WDR26: variants seen among roughly 807,000 people sequenced by gnomAD.
WDR26 encodes WD repeat-containing protein 26.
A neutral mutation model predicts 84.1 loss-of-function variants in WDR26; 5 were observed. That is an observed-to-expected ratio of 0.06 (90% CI 0.03 to 0.13). The LOEUF (loss-of-function observed/expected upper bound fraction) is 0.13. Among genes scored for constraint, WDR26 ranks in the 10% least tolerant of loss-of-function variants. The pLI is 1.00. For missense variants in WDR26, 642 were observed against 974.9 expected (o/e 0.66, Z 4.55); for synonymous variants, 415 against 389.6 (o/e 1.07, Z -0.77).
At chr1:224,405,489 CT>C (rs1673526432) in intron 7 of WDR26, among the ~76,000 whole-genome samples, 1 of 152,150 alleles carries the variant, frequency 6.6e-6, no homozygotes, top group African/African-American at 2.4e-5. Flanking sequence ...TTTTGAGAAA[CT>C]GCCAAACTGT....
intron 12 of WDR26, among the ~76,000 whole-genome samples, chr1:224,396,706 C>T (rs951009624): frequency 6.6e-6 from 1 of 152,146 alleles, no homozygotes; most frequent in African/African-American, 2.4e-5. Flanking sequence ...TGCCTGTAAT[C>T]CCAGCACTTC....
intron 3 of WDR26, among the ~76,000 whole-genome samples, chr1:224,424,946 A>G (rs1674167549): frequency 6.6e-6 from 1 of 152,200 alleles, no homozygotes. Flanking sequence ...TCTCCTCTCA[A>G]AGCAATCTCC....
chr1:224,407,157 T>A (rs200272190), intron 7 of WDR26, among the ~76,000 whole-genome samples: 1,124 of 56,350 alleles, frequency 0.02, 33 homozygotes, highest in East Asian at 0.061. Flanking sequence ...AAAAAATATA[T>A]ATATATATAT....
chr1:224,409,538 T>C (rs977773684), intron 7 of WDR26, among the ~76,000 whole-genome samples: 2 of 152,184 alleles, frequency 1.3e-5, no homozygotes, highest in Admixed American at 6.5e-5. Flanking sequence ...CAAGAATTGG[T>C]GTATGCTCTC....
At chr1:224,409,932 C>T (rs369411263) in intron 7 of WDR26, among the ~76,000 whole-genome samples, 11 of 151,710 alleles carry the variant, frequency 7.3e-5, no homozygotes, top group South Asian at 4.2e-4. Flanking sequence ...TTTCTCAACA[C>T]GGGAGCCCAA....
intron 6 of WDR26, among the ~76,000 whole-genome samples, chr1:224,412,671 G>T (rs1357974755): frequency 6.6e-6 from 1 of 152,124 alleles, no homozygotes; most frequent in Non-Finnish European, 1.5e-5. Flanking sequence ...CTGTCCAACA[G>T]AACTTTCTGT....
intron 10 of WDR26, 138 bp from the exon 11 acceptor site, chr1:224,398,731 G>A (rs541448372): frequency 1.7e-6 from 2 of 1,189,636 alleles, no homozygotes; most frequent in South Asian, 3.0e-5. Flanking sequence ...CAATTGAGAA[G>A]AATCTGAGTT....
At chr1:224,391,374 AAAAAAAAAAC>A (rs1157362970) in intron 13 of WDR26, among the ~76,000 whole-genome samples, 16 of 114,592 alleles carry the variant, frequency 1.4e-4, no homozygotes, top group South Asian at 5.4e-4. Flanking sequence ...AAAAAAAAAA[AAAAAAAAAAC>A]AAAAAAAAAA....
chr1:224,433,580 C>A (rs80059326), intron 1 of WDR26, 104 bp downstream of exon 1: 59,225 of 1,224,486 alleles, frequency 0.048, 3,408 homozygotes, highest in Non-Finnish European at 0.053. Context: ...TCTCTTTGAC[C>A]GAGCTCTTTC....
rs1356298350 is a variant in WDR26 at position 224,434,058 on chromosome 1, G to A, written c.348C>T (p.Gly116=). Residue 116 remains glycine (G), a synonymous_variant, in exon 1 of 14, where the codon GGC becomes GGT. Transcript: ENST00000414423. ...CCCCGCCGCCCCCTCCTCCTCCACC[G>A]CCGCCGCCGCCACCTCCTCCTCCTC... 7.0e-6 allele frequency: 10 copies of A among 1,429,532 alleles called. No individual in the cohort carries two copies. The highest frequency in any genetic ancestry group is 1.4e-5 in the African/African-American group (1 of 69,752). The allele number at this position is 1,429,532 out of a possible 1,614,324, so 88.6% of individuals were successfully genotyped here. A position where few individuals can be genotyped will look rare whatever the true frequency, so the allele number is the denominator to read the frequency against.
At chr1:224,390,800 AC>A (rs781368257) in intron 13 of WDR26, among the ~76,000 whole-genome samples, 126 of 152,274 alleles carry the variant, frequency 8.3e-4, no homozygotes, top group Non-Finnish European at 1.2e-3. Context: ...AACAAAAAAA[AC>A]AAAAGTGTAA....
chr1:224,409,459 A>G (rs918137713), intron 7 of WDR26, among the ~76,000 whole-genome samples: 1 of 152,218 alleles, frequency 6.6e-6, no homozygotes, highest in Non-Finnish European at 1.5e-5. Flanking sequence ...AAAAAGGTAA[A>G]GAACCACTGC....
At chr1:224,391,085 TA>T (rs946772997) in intron 13 of WDR26, among the ~76,000 whole-genome samples, 121 of 146,036 alleles carry the variant, frequency 8.3e-4, no homozygotes, top group Middle Eastern at 3.6e-3. Flanking sequence ...TATGCATCCT[TA>T]AAAAAAAAAA....
In WDR26 at chr1:224,387,482, C is replaced by T. The variant is rs879779552; in HGVS notation, c.*2353G>A. 2 of 152,500 alleles carry T rather than the reference C, an allele frequency of 1.3e-5. No individual in the cohort carries two copies. The highest frequency in any genetic ancestry group is 2.4e-5 in the African/African-American group (1 of 41,366). 9.4% of individuals were successfully genotyped at this position (152,500 alleles called of 1,614,324 possible). On this transcript the variant is annotated 3_prime_UTR_variant, in exon 14 of 14. Transcript: ENST00000414423. ...AGAAACCTTTGCATAGTTGTTACTC[C>T]GTTTTAATAGGAGTTATGTTCTTGT...
Position 224,434,635 on chromosome 1 carries a change from G to T in WDR26, c.-230C>A, listed in dbSNP as rs1420710201. Reference sequence around the variant, plus strand: ...CGGGGGTCGCGCCGGGGGGCGCCGCGGGGCGGCTGCGGGGGCGCGGGGCCC... The same window carrying T: ...CGGGGGTCGCGCCGGGGGGCGCCGCTGGGCGGCTGCGGGGGCGCGGGGCCC... On this transcript the variant is annotated 5_prime_UTR_variant, in exon 1 of 14. Transcript: ENST00000414423. 20 of 646,892 alleles carry T rather than the reference G, an allele frequency of 3.1e-5. No individual in the cohort carries two copies. The highest frequency in any genetic ancestry group is 3.8e-5 in the Non-Finnish European group (20 of 523,876). The allele number at this position is 646,892 out of a possible 1,614,324, so 40.1% of individuals were successfully genotyped here. A position where few individuals can be genotyped will look rare whatever the true frequency, so the allele number is the denominator to read the frequency against.
At position 224,387,499 on chromosome 1, in the gene WDR26, T is replaced by C. The variant is rs931327231; in HGVS notation, c.*2336A>G. Reference sequence around the variant, plus strand: ...TGTTACTCCGTTTTAATAGGAGTTATGTTCTTGTAAAATGTGCCTCACTTT... The same window carrying C: ...TGTTACTCCGTTTTAATAGGAGTTACGTTCTTGTAAAATGTGCCTCACTTT... On this transcript the variant is annotated 3_prime_UTR_variant, in exon 14 of 14. Coordinates refer to ENST00000414423, the MANE Select transcript of WDR26 (RefSeq NM_001379403.1). The C allele has an allele frequency of 3.3e-5, 5 of 152,662 alleles. No homozygotes were observed. Among genetic ancestry groups the C allele is most frequent in the Admixed American group, 3.3e-4 (5 of 15,280 alleles). 9.5% of individuals were successfully genotyped at this position (152,662 alleles called of 1,614,324 possible).
At chr1:224,416,990 A>G (rs1047828363) in intron 6 of WDR26, among the ~76,000 whole-genome samples, 1 of 152,364 alleles carries the variant, frequency 6.6e-6, no homozygotes, top group African/African-American at 2.4e-5. Context: ...TCCTTGTAGA[A>G]TATTTAAGAT....
intron 8 of WDR26, among the ~76,000 whole-genome samples, chr1:224,403,911 T>C (rs1254074257): frequency 6.6e-6 from 1 of 152,148 alleles, no homozygotes; most frequent in Non-Finnish European, 1.5e-5. Context: ...CACTCCAGCC[T>C]GGGCGACAGA....
At chr1:224,408,702 T>C (rs919424151) in intron 7 of WDR26, among the ~76,000 whole-genome samples, 15 of 150,474 alleles carry the variant, frequency 1.0e-4, no homozygotes, top group African/African-American at 3.2e-4. Flanking sequence ...AGAATGCCAC[T>C]TTCCTGTTGT....
Sources: gnomAD v4.1 joint callset for allele counts (sites outside exome capture counted in the v4.1 genomes callset) on GRCh38, gnomAD v4.1.1 for gene constraint, MANE v1.5 for transcripts, NCBI Gene and HGNC (gene_info 2026-07-23, HGNC 2026-07-21) for gene names.